Variants in PADI1 observed in about 807,000 individuals in gnomAD.
PADI1 encodes the protein protein-arginine deiminase type-1.
In PADI1, 65 loss-of-function variants were observed where a neutral mutation model predicts 74.8. The observed-to-expected ratio is 0.87, with a 90% CI of 0.71 to 1.07. The LOEUF is 1.07. PADI1 is among the 50% of genes least tolerant of loss of function. The pLI is 0.00. For synonymous variants in PADI1, 371 were observed against 336.2 expected, an observed-to-expected ratio of 1.10 and a Z score of -1.13; for missense variants, 943 against 854.0, an observed-to-expected ratio of 1.10 and a Z score of -1.30.
In PADI1 at chr1:17,205,286, C is replaced by T. The variant is rs776633005; in HGVS notation, c.69C>T (p.Val23=). 3.2e-5 allele frequency: 51 copies of T among 1,613,788 alleles called. No individual in the cohort carries two copies. Among genetic ancestry groups the T allele is most frequent in the Non-Finnish European group, 3.1e-5 (36 of 1,179,856 alleles). Residue 23 remains valine, a synonymous_variant, in exon 1 of 16, where the codon GTC becomes GTT. Coordinates refer to ENST00000375471, the MANE Select transcript of PADI1 (RefSeq NM_013358.3). ...CCCATGCCGTGTGTGTGGTGGGAGT[C>T]GAGGCACATGTGGACATTCACAGGT... ...MPTHAVCVVG[V]EAHVDIHSDV...
At chr1:17,233,600 C>A (rs530157372) in intron 11 of PADI1, among the ~76,000 whole-genome samples, 2 of 152,364 alleles carry the variant, frequency 1.3e-5, no homozygotes, top group East Asian at 3.9e-4. Flanking sequence ...ACCCTCCCTG[C>A]AGGTAACCAA....
rs747507025 is a variant in PADI1, at chr1:17,228,817, G to T, written c.825+20G>T. 5.0e-6 allele frequency: 8 copies of T among 1,611,962 alleles called. No homozygotes were observed. The African/African-American group carries it at 9.4e-5, about 19-fold the overall frequency. Reference sequence around the variant, plus strand: ...CCGGGGGTGTGTACAGCACTGGGGGGTGGCCAAGGAGGCTGAGGGGTTTGG... The same window carrying T: ...CCGGGGGTGTGTACAGCACTGGGGGTTGGCCAAGGAGGCTGAGGGGTTTGG... On this transcript the variant is annotated intron_variant, in intron 7 of 15. Transcript: ENST00000375471.
At position 17,235,611 on chromosome 1, in the gene PADI1, A is replaced by G. The variant is rs2072623092; in HGVS notation, c.1314-1703A>G. Among the ~76,000 whole-genome samples the G allele has an allele frequency of 2.0e-5, 3 of 151,908 alleles. No individual in the cohort carries two copies. The South Asian group carries it at 6.3e-4, about 32-fold the overall frequency. On this transcript the variant is annotated intron_variant, in intron 11 of 15. Transcript: ENST00000375471. ...TCAGAGGATGCAGGCTCAGGGGCGG[A>G]GAGCCGGAGGATGTAGGCTCAGGGG...
Position 17,229,175 on chromosome 1 carries a change from G to C in PADI1, c.929+124G>C, listed in dbSNP as rs2072416349. The C allele has an allele frequency of 8.7e-6, 6 of 687,962 alleles. No homozygotes were observed. In the African/African-American group the frequency reaches 8.9e-5, roughly 10 times the overall value. The allele number at this position is 687,962 out of a possible 1,614,324, so 42.6% of individuals were successfully genotyped here. ...CATTGCGGGCACCCATTCAGGCAGA[G>C]CTGGTGGCAGGACAGCAGCAGGTGG... is the stretch of plus-strand genomic sequence containing the variant. On this transcript the variant is annotated intron_variant, in intron 8 of 15. Transcript: ENST00000375471.
chr1:17,209,213 T>C (rs766988977), intron 1 of PADI1, among the ~76,000 whole-genome samples: 1 of 152,204 alleles, frequency 6.6e-6, no homozygotes, highest in Non-Finnish European at 1.5e-5. Flanking sequence ...AATTACAGGA[T>C]TGACACTGAC....
chr1:17,224,574 C>A, intron 4 of PADI1, 146 bp downstream of exon 4: 1 of 674,788 alleles, frequency 1.5e-6, no homozygotes, highest in Non-Finnish European at 2.7e-6. Context: ...TCTGGGACAG[C>A]AAAATTGGCA....
intron 10 of PADI1, among the ~76,000 whole-genome samples, chr1:17,231,039 G>A (rs1306933052): frequency 6.6e-5 from 10 of 152,212 alleles, no homozygotes; most frequent in South Asian, 6.2e-4. Context: ...GAGCCTGCAC[G>A]GCTCTTGTTC....
Position 17,212,429 on chromosome 1 carries a change from GCCCCCA to G in PADI1, c.92+7130_92+7135del, listed in dbSNP as rs962971331. On this transcript the variant is annotated intron_variant, in intron 1 of 15. Transcript: ENST00000375471. Reference sequence around the variant, plus strand: ...CCAGACGACCCCCAAGAGCACATTGGCCCCCACCCCCACCCACTCAGTTTCTGCCCC... The same window carrying G: ...CCAGACGACCCCCAAGAGCACATTGGCCCCCACCCACTCAGTTTCTGCCCC... Among the ~76,000 whole-genome samples, 20 of 149,936 alleles carry G rather than the reference GCCCCCA, an allele frequency of 1.3e-4. No individual in the cohort carries two copies. In the East Asian group the frequency reaches 3.5e-3, roughly 26 times the overall value.
chr1:17,216,133 G>A (rs1344586107), intron 1 of PADI1, among the ~76,000 whole-genome samples: 2 of 152,174 alleles, frequency 1.3e-5, no homozygotes, highest in Non-Finnish European at 2.9e-5. Context: ...GAGGGCGTGG[G>A]GAGGGAAAGC....
intron 10 of PADI1, 58 bp downstream of exon 10, chr1:17,230,737 A>G (rs2072469038): frequency 1.0e-6 from 1 of 952,544 alleles, no homozygotes; most frequent in Non-Finnish European, 1.7e-6. Context: ...GAGGCGCACC[A>G]GTGAAGTCTC....
At position 17,225,795 on chromosome 1, in the gene PADI1, TC is replaced by T; in HGVS notation, c.409-15del. The T allele has an allele frequency of 6.2e-7, 1 of 1,605,752 alleles. No homozygotes were observed. Among genetic ancestry groups the T allele is most frequent in the South Asian group, 1.1e-5 (1 of 90,910 alleles). Reference sequence around the variant, plus strand: ...CCTGGGTCCCACTGATCCCAAGGCATCTTATTTTGCCACAGAAAACCTGGCG... The same window carrying T: ...CCTGGGTCCCACTGATCCCAAGGCATTTATTTTGCCACAGAAAACCTGGCG... On this transcript the variant is annotated splice_polypyrimidine_tract_variant and intron_variant, in intron 4 of 15. Coordinates refer to ENST00000375471, the MANE Select transcript of PADI1 (RefSeq NM_013358.3).
chr1:17,226,264 C>G, intron 6 of PADI1, 106 bp downstream of exon 6: 1 of 1,281,484 alleles, frequency 7.8e-7, no homozygotes, highest in Non-Finnish European at 1.1e-6. Context: ...ACTCTCATTA[C>G]AGCTTACAAA....
intron 1 of PADI1, among the ~76,000 whole-genome samples, chr1:17,215,141 G>A (rs2071941474): frequency 6.6e-6 from 1 of 152,144 alleles, no homozygotes; most frequent in Non-Finnish European, 1.5e-5. Context: ...CCTGCAGGAA[G>A]CCACATTTCC....
chr1:17,216,439 G>A (rs188561559), intron 1 of PADI1, among the ~76,000 whole-genome samples: 6 of 152,262 alleles, frequency 3.9e-5, no homozygotes, highest in African/African-American at 1.2e-4. Context: ...GAGGGAACAA[G>A]AGGAGGTGAG....
chr1:17,240,848 G>A, intron 15 of PADI1, 88 bp downstream of exon 15: 1 of 1,445,142 alleles, frequency 6.9e-7, no homozygotes, highest in African/African-American at 1.4e-5. Context: ...TGGTGCAGAG[G>A]CTGGAGGGCC....
chr1:17,230,052 A>G, intron 8 of PADI1, 33 bp from the exon 9 acceptor site: 1 of 1,601,588 alleles, frequency 6.2e-7, no homozygotes, highest in South Asian at 1.1e-5. Flanking sequence ...GTCAGAGGCC[A>G]TTAGCATGCT....
chr1:17,228,501 A>C (rs974797614), intron 6 of PADI1, 124 bp from the exon 7 acceptor site: 1 of 898,856 alleles, frequency 1.1e-6, no homozygotes, highest in Non-Finnish European at 1.8e-6. Flanking sequence ...TGCAGCTTGC[A>C]CGTGGCAGAG....
intron 13 of PADI1, 41 bp from the exon 14 acceptor site, chr1:17,239,663 C>A: frequency 6.8e-7 from 1 of 1,469,684 alleles, no homozygotes; most frequent in Non-Finnish European, 9.5e-7. Flanking sequence ...GGCCTCCAGG[C>A]AGTGCTCCCT....
chr1:17,229,151 A>G (rs1241436201), intron 8 of PADI1, 100 bp downstream of exon 8: 2 of 765,212 alleles, frequency 2.6e-6, no homozygotes, highest in Non-Finnish European at 4.3e-6. Flanking sequence ...CGACGGATTC[A>G]TTGCGGGCAC....
Sources: gnomAD v4.1 joint callset for allele counts (sites outside exome capture counted in the v4.1 genomes callset) on GRCh38, gnomAD v4.1.1 for gene constraint, MANE v1.5 for transcripts, NCBI Gene and HGNC (gene_info 2026-07-23, HGNC 2026-07-21) for gene names.